Variants in PCDHAC1 observed in about 807,000 individuals in gnomAD.
PCDHAC1 encodes protocadherin alpha-C1.
A neutral mutation model predicts 60.0 loss-of-function variants in PCDHAC1; 42 were observed. The observed-to-expected ratio is 0.70, with a 90% confidence interval of 0.55 to 0.90. The LOEUF is 0.90. Among genes scored for constraint, PCDHAC1 ranks in the 40% least tolerant of loss-of-function variants. The pLI is 0.00. For missense variants in PCDHAC1, 1,160 were observed against 1,222.3 expected (o/e 0.95, Z 0.76); for synonymous variants, 468 against 499.3 (o/e 0.94, Z 0.84).
At chr5:140,975,896 T>C (rs1267301126) in intron 1 of PCDHAC1, among the ~76,000 whole-genome samples, 1 of 152,202 alleles carries the variant, frequency 6.6e-6, no homozygotes, top group Non-Finnish European at 1.5e-5. Context: ...CATATGGAGT[T>C]TTGTGACCAT....
chr5:141,009,303 T>A (rs1040786824), intron 3 of PCDHAC1, among the ~76,000 whole-genome samples: 16 of 152,050 alleles, frequency 1.1e-4, no homozygotes, highest in East Asian at 1.9e-4. Flanking sequence ...AAATTTTTTT[T>A]AAAAAGCTAG....
intron 1 of PCDHAC1, among the ~76,000 whole-genome samples, chr5:140,955,285 G>T (rs2095164466): frequency 6.6e-6 from 1 of 151,896 alleles, no homozygotes; most frequent in Non-Finnish European, 1.5e-5. Context: ...ATATTGATAT[G>T]GTTTGGCTGT....
chr5:140,971,778 G>T (rs1346530602), intron 1 of PCDHAC1, among the ~76,000 whole-genome samples: 1 of 151,860 alleles, frequency 6.6e-6, no homozygotes, highest in Admixed American at 6.6e-5. Flanking sequence ...TATTATTCAA[G>T]ATTATTCAAT....
chr5:140,927,259 C>G lies in PCDHAC1; in HGVS notation c.367C>G (p.Leu123Val), dbSNP rs1262444613. 5 of 1,614,042 alleles carry G rather than the reference C, an allele frequency of 3.1e-6. No individual in the cohort carries two copies. Among genetic ancestry groups the G allele is most frequent in the Non-Finnish European group, 3.4e-6 (4 of 1,180,034 alleles). Residue 123 changes from leucine to valine, a missense_variant, in exon 1 of 4, where the codon CTC (leucine) becomes GTC (valine). Physicochemically the swap from Leu to Val is conservative, Grantham distance 32. Transcript: ENST00000253807. ...HVLDTNDNSP[L>V]FPAGDVQLHI... ...CCTGGACACCAATGACAACTCACCT[C>G]TCTTTCCTGCCGGCGACGTGCAGCT...
intron 1 of PCDHAC1, among the ~76,000 whole-genome samples, chr5:140,935,507 G>A (rs2090409706): frequency 6.6e-6 from 1 of 152,138 alleles, no homozygotes. Context: ...CCTTACAAAT[G>A]CCCAGTAGGC....
At chr5:140,985,684 C>T (rs2097164164) in intron 3 of PCDHAC1, among the ~76,000 whole-genome samples, 1 of 151,578 alleles carries the variant, frequency 6.6e-6, no homozygotes, top group Non-Finnish European at 1.5e-5. Flanking sequence ...CTGCCTTACG[C>T]TAATCCTCGT....
chr5:140,993,449 C>T (rs2097557237), intron 3 of PCDHAC1, among the ~76,000 whole-genome samples: 1 of 144,318 alleles, frequency 6.9e-6, no homozygotes, highest in Non-Finnish European at 1.5e-5. Context: ...TTCCTGTTCT[C>T]CTTCTTTCTT....
At chr5:140,972,344 C>T (rs1379310170) in intron 1 of PCDHAC1, among the ~76,000 whole-genome samples, 26 of 151,148 alleles carry the variant, frequency 1.7e-4, no homozygotes, top group African/African-American at 6.3e-4. Context: ...AGATGGGGGT[C>T]TCACTATGTT....
chr5:141,005,049 T>C (rs1248594838), intron 3 of PCDHAC1, among the ~76,000 whole-genome samples: 6 of 152,264 alleles, frequency 3.9e-5, no homozygotes, highest in African/African-American at 1.4e-4. Context: ...TACCATTTAC[T>C]GAATTCTTGC....
At chr5:141,000,405 A>ATG (rs2097918195) in intron 3 of PCDHAC1, among the ~76,000 whole-genome samples, 3 of 88,878 alleles carry the variant, frequency 3.4e-5, no homozygotes, top group African/African-American at 1.4e-4. Flanking sequence ...CTATATATAT[A>ATG]TATATATATA....
intron 3 of PCDHAC1, among the ~76,000 whole-genome samples, chr5:140,983,431 G>T (rs947907651): frequency 5.3e-5 from 8 of 152,198 alleles, no homozygotes; most frequent in African/African-American, 1.9e-4. Flanking sequence ...ACCACAAATT[G>T]TGTCTACTCT....
intron 1 of PCDHAC1, among the ~76,000 whole-genome samples, chr5:140,960,911 G>A (rs2095578426): frequency 6.6e-6 from 1 of 152,284 alleles, no homozygotes; most frequent in Non-Finnish European, 1.5e-5. Context: ...TTGAGTTTCA[G>A]ATAGAAAATT....
chr5:140,983,207 T>A (rs999147697), intron 3 of PCDHAC1, among the ~76,000 whole-genome samples: 1 of 152,236 alleles, frequency 6.6e-6, no homozygotes, highest in Non-Finnish European at 1.5e-5. Flanking sequence ...TAATAGGGAC[T>A]ATTTCCTAAT....
At chr5:140,934,901 T>C (rs1270837168) in intron 1 of PCDHAC1, among the ~76,000 whole-genome samples, 1 of 152,192 alleles carries the variant, frequency 6.6e-6, no homozygotes, top group African/African-American at 2.4e-5. Flanking sequence ...CCTTTTATTT[T>C]GGAATAATTA....
At chr5:140,982,795 AT>A (rs2097005249) in intron 3 of PCDHAC1, among the ~76,000 whole-genome samples, 1 of 151,516 alleles carries the variant, frequency 6.6e-6, no homozygotes, top group African/African-American at 2.4e-5. Flanking sequence ...GCATGTGTGC[AT>A]GTGTGTGTGT....
At chr5:140,933,043 TTACAG>T (rs2088815102) in intron 1 of PCDHAC1, among the ~76,000 whole-genome samples, 1 of 151,992 alleles carries the variant, frequency 6.6e-6, no homozygotes, top group Admixed American at 6.5e-5. Flanking sequence ...TGAATATGGA[TTACAG>T]TCCAGGATCC....
At chr5:140,963,531 TTTAC>T (rs1391697303) in intron 1 of PCDHAC1, among the ~76,000 whole-genome samples, 2 of 152,218 alleles carry the variant, frequency 1.3e-5, no homozygotes, top group African/African-American at 4.8e-5. Flanking sequence ...AGAAGTCCCA[TTTAC>T]TTCATGATAT....
chr5:140,988,152 C>G (rs2153871090), intron 3 of PCDHAC1, among the ~76,000 whole-genome samples: 1 of 152,258 alleles, frequency 6.6e-6, no homozygotes, highest in East Asian at 1.9e-4. Flanking sequence ...ACCTCAACTT[C>G]TGCCGTTGTC....
intron 1 of PCDHAC1, among the ~76,000 whole-genome samples, chr5:140,956,583 C>T (rs155799): frequency 0.28 from 42,736 of 152,052 alleles, 6,865 homozygotes; most frequent in East Asian, 0.53. Context: ...TGCATTGATG[C>T]TTATCAGGGA....
Sources: gnomAD v4.1 joint callset for allele counts (sites outside exome capture counted in the v4.1 genomes callset) on GRCh38, gnomAD v4.1.1 for gene constraint, MANE v1.5 for transcripts, NCBI Gene and HGNC (gene_info 2026-07-23, HGNC 2026-07-21) for gene names.